USP10: variants seen among roughly 807,000 people sequenced by gnomAD.
USP10 encodes the protein ubiquitin specific peptidase 10, also known as ubiquitin carboxyl-terminal hydrolase 10.
Under a neutral mutation model 84.5 loss-of-function variants are expected in USP10, and 22 were observed. That is an observed-to-expected ratio of 0.26 (90% confidence interval 0.19 to 0.37). The LOEUF (loss-of-function observed/expected upper bound fraction) is 0.37, where lower values mean the gene tolerates loss of function less well. USP10 is among the 10% of genes least tolerant of loss of function. The pLI, the probability that USP10 is intolerant of heterozygous loss-of-function variation, is 1.00. For missense variants in USP10, 1,019 were observed against 998.9 expected (o/e 1.02, Z -0.27); for synonymous variants, 454 against 387.6 (o/e 1.17, Z -2.01).
At chr16:84,772,274 C>T (rs955161677) in intron 11 of USP10, among the ~76,000 whole-genome samples, 3 of 152,178 alleles carry the variant, frequency 2.0e-5, no homozygotes, top group African/African-American at 7.2e-5. Flanking sequence ...TGGTCTCAAA[C>T]TCTTGACCTC....
chr16:84,777,013 C>G (rs1474771530), intron 13 of USP10, among the ~76,000 whole-genome samples: 2 of 152,212 alleles, frequency 1.3e-5, no homozygotes, highest in African/African-American at 4.8e-5. Context: ...AGGTTTCGCC[C>G]TTTTGGCCAG....
At chr16:84,766,511 T>C (rs1350309772) in intron 10 of USP10, among the ~76,000 whole-genome samples, 1 of 152,196 alleles carries the variant, frequency 6.6e-6, no homozygotes, top group African/African-American at 2.4e-5. Flanking sequence ...TGGTTTAGGA[T>C]TGTGAGGACA....
rs543026368 is a variant in USP10 at position 84,700,009 on chromosome 16, T to G, written c.-82T>G. On this transcript the variant is annotated 5_prime_UTR_variant, in exon 1 of 14. The change abolishes an upstream ATG in the 5' untranslated region. Transcript: ENST00000219473. The stretch of plus-strand genomic sequence containing the variant: ...GCGCGGCGGCCGATGCGAGTGTGTA[T>G]GTGCGGGCGAGAAGATGGCGGCGGC... The G allele has an allele frequency of 6.3e-6, 8 of 1,275,718 alleles. No individual in the cohort carries two copies. The East Asian group carries it at 3.6e-4, about 58-fold the overall frequency. The allele number at this position is 1,275,718 out of a possible 1,614,324, so 79.0% of individuals were successfully genotyped here. A position where few individuals can be genotyped will look rare whatever the true frequency, so the allele number is the denominator to read the frequency against.
intron 10 of USP10, 107 bp downstream of exon 10, chr16:84,764,370 G>A (rs537646080): frequency 1.4e-6 from 2 of 1,449,070 alleles, no homozygotes; most frequent in Non-Finnish European, 1.9e-6. Flanking sequence ...GGACGTAATG[G>A]TTTGCATCTT....
At chr16:84,744,562 A>G (rs527679127) in intron 3 of USP10, 71 bp from the exon 4 acceptor site, 3 of 1,369,492 alleles carry the variant, frequency 2.2e-6, no homozygotes, top group East Asian at 4.9e-5. Context: ...TTTCAAAGAG[A>G]AAGTGAGTAA....
chr16:84,706,778 G>A (rs1413544264), intron 1 of USP10, among the ~76,000 whole-genome samples: 1 of 151,730 alleles, frequency 6.6e-6, no homozygotes, highest in Non-Finnish European at 1.5e-5. Context: ...CTGACCTCGG[G>A]ATCTGCCCAC....
chr16:84,720,870 C>A (rs1907703499), intron 1 of USP10, among the ~76,000 whole-genome samples: 1 of 149,662 alleles, frequency 6.7e-6, no homozygotes, highest in African/African-American at 2.5e-5. Context: ...TCCTGGGCCA[C>A]CGCGCCCGGC....
intron 13 of USP10, among the ~76,000 whole-genome samples, chr16:84,776,070 A>G (rs1321208287): frequency 3.3e-5 from 5 of 152,170 alleles, no homozygotes; most frequent in Non-Finnish European, 5.9e-5. Context: ...TCACACATGT[A>G]TTGAACCTCT....
chr16:84,735,230 T>TGTGTG (rs1567612882), intron 2 of USP10, among the ~76,000 whole-genome samples: 24 of 114,254 alleles, frequency 2.1e-4, no homozygotes, highest in African/African-American at 6.9e-4. Context: ...TGTGTGTGTG[T>TGTGTG]GTGTGTGGTG....
intron 1 of USP10, among the ~76,000 whole-genome samples, chr16:84,731,339 GCACAGAGTAGC>G (rs1464602491): frequency 6.6e-6 from 1 of 151,246 alleles, no homozygotes; most frequent in Non-Finnish European, 1.5e-5. Flanking sequence ...TAGGCAATGT[GCACAGAGTAGC>G]CACGTTTCTA....
chr16:84,756,684 T>C (rs532343164), intron 4 of USP10, among the ~76,000 whole-genome samples: 4 of 152,232 alleles, frequency 2.6e-5, no homozygotes, highest in Admixed American at 6.5e-5. Flanking sequence ...AAAAATACTA[T>C]GGCAAAGCCT....
chr16:84,764,798 C>T (rs1316920042), intron 10 of USP10, among the ~76,000 whole-genome samples: 1 of 150,926 alleles, frequency 6.6e-6, no homozygotes, highest in Non-Finnish European at 1.5e-5. Flanking sequence ...CCATTGCACT[C>T]CAGCATGGGT....
At chr16:84,748,325 A>T (rs999998016) in intron 4 of USP10, among the ~76,000 whole-genome samples, 2 of 151,800 alleles carry the variant, frequency 1.3e-5, no homozygotes, top group Non-Finnish European at 2.9e-5. Context: ...TATTTTTGAG[A>T]GGGGGTCTCA....
At chr16:84,759,664 G>T (rs1314442073) in intron 6 of USP10, among the ~76,000 whole-genome samples, 192 bp downstream of exon 6, 2 of 152,156 alleles carry the variant, frequency 1.3e-5, no homozygotes, top group African/African-American at 4.8e-5. Flanking sequence ...GATGATCTGT[G>T]TTCTTTAGAT....
At chr16:84,776,719 G>A (rs1821635020) in intron 13 of USP10, among the ~76,000 whole-genome samples, 1 of 152,196 alleles carries the variant, frequency 6.6e-6, no homozygotes, top group African/African-American at 2.4e-5. Context: ...GGGCCCCAGT[G>A]TGAGCACACA....
chr16:84,725,996 A>AC (rs1908421418), intron 1 of USP10, among the ~76,000 whole-genome samples: 2 of 152,146 alleles, frequency 1.3e-5, no homozygotes, highest in Admixed American at 1.3e-4. Flanking sequence ...TGCATCTGTG[A>AC]ATGGGAGATT....
At chr16:84,763,216 G>A (rs1000403631) in intron 9 of USP10, 128 bp downstream of exon 9, 4 of 522,970 alleles carry the variant, frequency 7.6e-6, no homozygotes, top group African/African-American at 1.9e-5. Context: ...TATTCCCTAC[G>A]ATAACTTACA....
At chr16:84,746,437 A>G (rs1911233846) in intron 4 of USP10, among the ~76,000 whole-genome samples, 1 of 152,262 alleles carries the variant, frequency 6.6e-6, no homozygotes, top group Non-Finnish European at 1.5e-5. Flanking sequence ...GTAGAGCCTT[A>G]GGCTGGTGGT....
chr16:84,720,818 A>G (rs539536148), intron 1 of USP10, among the ~76,000 whole-genome samples: 1 of 150,572 alleles, frequency 6.6e-6, no homozygotes, highest in East Asian at 2.0e-4. Context: ...TCCTGACCTC[A>G]TGATCTGCCC....
Sources: gnomAD v4.1 joint callset for allele counts (sites outside exome capture counted in the v4.1 genomes callset) on GRCh38, gnomAD v4.1.1 for gene constraint, MANE v1.5 for transcripts, NCBI Gene and HGNC (gene_info 2026-07-23, HGNC 2026-07-21) for gene names.